Variants in TRAF5 observed in about 807,000 individuals in gnomAD.
The protein encoded by TRAF5 is TNF receptor-associated factor 5.
Under a neutral mutation model 64.5 loss-of-function variants are expected in TRAF5, and 48 were observed. That is an observed-to-expected ratio of 0.74 (90% CI 0.59 to 0.95). TRAF5 has a LOEUF of 0.95. Ranked by LOEUF, TRAF5 falls within the 40% of genes least tolerant of loss-of-function variation. The pLI is 0.00. For synonymous variants in TRAF5, 206 were observed against 240.5 expected (o/e 0.86, Z 1.33); for missense variants, 545 against 662.8 (o/e 0.82, Z 1.95).
intron 4 of TRAF5, 36 bp downstream of exon 4, chr1:211,356,504 A>G (rs41303277): frequency 0.025 from 40,294 of 1,588,770 alleles, 612 homozygotes; most frequent in Non-Finnish European, 0.031. Context: ...TGCTTTTGCC[A>G]TTTTTCCAGG....
chr1:211,359,836 C>T, intron 4 of TRAF5, 76 bp from the exon 5 acceptor site: 1 of 1,586,476 alleles, frequency 6.3e-7, no homozygotes. Flanking sequence ...CTCTCTCCCT[C>T]CCTAGGCCTT....
intron 7 of TRAF5, among the ~76,000 whole-genome samples, chr1:211,363,701 G>A (rs1390233371): frequency 6.6e-6 from 1 of 152,118 alleles, no homozygotes; most frequent in Admixed American, 6.6e-5. Flanking sequence ...TCTTGTGCAT[G>A]AGCACAATTG....
At chr1:211,355,974 C>T (rs1045236479) in intron 3 of TRAF5, among the ~76,000 whole-genome samples, 4 of 152,292 alleles carry the variant, frequency 2.6e-5, no homozygotes, top group South Asian at 2.1e-4. Context: ...TCCTGGTTTG[C>T]GCTAAAATAG....
chr1:211,338,030 A>G (rs2102717931), intron 1 of TRAF5, among the ~76,000 whole-genome samples: 1 of 152,298 alleles, frequency 6.6e-6, no homozygotes, highest in Middle Eastern at 3.4e-3. Context: ...GAATGAGTGC[A>G]GATAGAAGAG....
Position 211,365,413 on chromosome 1 carries a change from C to A in TRAF5, c.734C>A (p.Ala245Asp), listed in dbSNP as rs147658016. 4 of 1,613,838 alleles carry A rather than the reference C, an allele frequency of 2.5e-6. No homozygotes were observed. Among genetic ancestry groups the A allele is most frequent in the Non-Finnish European group, 2.5e-6 (3 of 1,179,872 alleles). ...AACCTGCAGCAACATGAGCATTCAG[C>A]CTTACGGGAGCACATGCGTTTGGTT... ...RRNLQQHEHS[A>D]LREHMRLVLE... The change falls in exon 8 of 11, where the codon GCC becomes GAC. Residue 245 changes from alanine (A) to aspartate (D), a missense_variant. By Grantham distance (126) the Ala-to-Asp change is moderately radical. Transcript: ENST00000261464.
At chr1:211,335,238 C>T (rs1435382139) in intron 1 of TRAF5, among the ~76,000 whole-genome samples, 1 of 152,164 alleles carries the variant, frequency 6.6e-6, no homozygotes, top group East Asian at 1.9e-4. Context: ...TGTGGTACCT[C>T]AAACACCTTG....
intron 1 of TRAF5, among the ~76,000 whole-genome samples, chr1:211,352,161 T>A (rs1347531211): frequency 1.3e-5 from 2 of 152,164 alleles, no homozygotes; most frequent in African/African-American, 4.8e-5. Flanking sequence ...AGAGGTTTAA[T>A]GGACTTACAG....
chr1:211,345,308 G>A (rs771632187), intron 1 of TRAF5, among the ~76,000 whole-genome samples: 6 of 151,914 alleles, frequency 3.9e-5, no homozygotes, highest in Non-Finnish European at 7.4e-5. Flanking sequence ...TTCCTGCCTC[G>A]GCCTCTCAAA....
intron 10 of TRAF5, 77 bp downstream of exon 10, chr1:211,371,547 A>G: frequency 2.9e-6 from 4 of 1,374,988 alleles, no homozygotes; most frequent in Middle Eastern, 1.8e-4. Context: ...ACACCTGGCC[A>G]AATAGAGAGT....
Position 211,356,613 on chromosome 1 carries a change from T to G in TRAF5, c.378+145T>G. The G allele has an allele frequency of 4.2e-6, 3 of 706,954 alleles. No homozygotes were observed. The South Asian group carries it at 5.3e-5, about 13-fold the overall frequency. The allele number at this position is 706,954 out of a possible 1,614,324, so 43.8% of individuals were successfully genotyped here. A position where few individuals can be genotyped will look rare whatever the true frequency, so the allele number is the denominator to read the frequency against. ...AGGATTCCCAGTCTAGCAATACAGG[T>G]GGCTACAGTGCTGTAGCCCACCTAC... On this transcript the variant is annotated intron_variant, in intron 4 of 10. Coordinates refer to ENST00000261464, the MANE Select transcript of TRAF5 (RefSeq NM_001033910.3).
rs542017884 is a variant in TRAF5, at chr1:211,374,798, TTG to T, written c.*2100_*2101del. On this transcript the variant is annotated 3_prime_UTR_variant, in exon 11 of 11. Transcript: ENST00000261464. ...AAGTGAATTTGTCAAAATGCTGGTT[TTG>T]TGTTTTATCCAACTTTTGTGCATAT... is the stretch of plus-strand genomic sequence containing the variant. 5.9e-5 allele frequency: 9 copies of T among 152,316 alleles called. No individual in the cohort carries two copies. The South Asian group carries it at 1.9e-3, about 32-fold the overall frequency. 9.4% of individuals were successfully genotyped at this position (152,316 alleles called of 1,614,324 possible). A position where few individuals can be genotyped will look rare whatever the true frequency, so the allele number is the denominator to read the frequency against.
chr1:211,333,268 A>G (rs1473074339), intron 1 of TRAF5, among the ~76,000 whole-genome samples: 1 of 152,152 alleles, frequency 6.6e-6, no homozygotes, highest in Non-Finnish European at 1.5e-5. Flanking sequence ...GGCTCACTGC[A>G]ACCTCCGCCT....
intron 1 of TRAF5, among the ~76,000 whole-genome samples, chr1:211,352,462 GTT>G (rs1320966777): frequency 4.5e-5 from 5 of 110,034 alleles, no homozygotes; most frequent in African/African-American, 1.1e-4. Context: ...AAAAAAAAAA[GTT>G]TTTTTTTTTT....
chr1:211,353,447 C>G lies in TRAF5; in HGVS notation c.208C>G (p.Leu70Val). 6.2e-7 allele frequency: 1 copy of G among 1,612,978 alleles called. No individual in the cohort carries two copies. Among genetic ancestry groups the G allele is most frequent in the Non-Finnish European group, 8.5e-7 (1 of 1,179,876 alleles). The change falls in exon 2 of 11, where the codon CTG becomes GTG. Residue 70 changes from leucine to valine, a missense_variant. Leu to Val is a conservative substitution (Grantham distance 32). Transcript: ENST00000261464. ...GCACCGCTTCTGCCAGCACTGCATC[C>G]TGTCCCTGAGGTGAGTGGGCAGGGC... ...CGHRFCQHCI[L>V]SLRELNTVPI...
In TRAF5 at chr1:211,326,847, C is replaced by A. The variant is rs1702027841; in HGVS notation, c.-44C>A. 3.0e-6 allele frequency: 3 copies of A among 984,668 alleles called. No individual in the cohort carries two copies. The highest frequency in any genetic ancestry group is 3.5e-5 in the African/African-American group (2 of 57,046). 61.0% of individuals were successfully genotyped at this position (984,668 alleles called of 1,614,324 possible). On this transcript the variant is annotated 5_prime_UTR_variant, in exon 1 of 11. Coordinates refer to ENST00000261464, the MANE Select transcript of TRAF5 (RefSeq NM_001033910.3). The surrounding 1 kb of genome is among the most constrained non-coding windows in gnomAD (Gnocchi z 5.0). ...CGGCCGCAGCCAGGAGCAGCAGCCG[C>A]GCCTGCAGACCGGCCTCGCGGAGCC...
intron 1 of TRAF5, among the ~76,000 whole-genome samples, chr1:211,350,211 T>C (rs905980807): frequency 6.6e-6 from 1 of 151,858 alleles, no homozygotes; most frequent in Non-Finnish European, 1.5e-5. Context: ...CTTTTTTTTT[T>C]TTCTTTCTTT....
At chr1:211,362,054 T>A (rs1264709553) in intron 7 of TRAF5, among the ~76,000 whole-genome samples, 1 of 146,032 alleles carries the variant, frequency 6.8e-6, no homozygotes, top group East Asian at 1.9e-4. Flanking sequence ...CTGGGGTTAC[T>A]CCTCTCATGA....
At chr1:211,340,988 C>T (rs1455484306) in intron 1 of TRAF5, among the ~76,000 whole-genome samples, 1 of 152,186 alleles carries the variant, frequency 6.6e-6, no homozygotes, top group Non-Finnish European at 1.5e-5. Flanking sequence ...TGAGCCACCG[C>T]GCCTGGCCTC....
In TRAF5 at chr1:211,360,950, T is replaced by C. The variant is rs1308295730; in HGVS notation, c.622-138T>C. The C allele has an allele frequency of 3.0e-6, 3 of 1,011,948 alleles. No homozygotes were observed. In the African/African-American group the frequency reaches 4.8e-5, roughly 16 times the overall value. The allele number at this position is 1,011,948 out of a possible 1,614,324, so 62.7% of individuals were successfully genotyped here. ...TTTTCCTGCGAACTCTCTTCAACTTTCATCATAGCTCTTTCTTGCCAGGCC... is the reference window on the plus strand; with the variant it reads ...TTTTCCTGCGAACTCTCTTCAACTTCCATCATAGCTCTTTCTTGCCAGGCC... On this transcript the variant is annotated intron_variant, in intron 6 of 10. Coordinates refer to ENST00000261464, the MANE Select transcript of TRAF5 (RefSeq NM_001033910.3).
Sources: allele counts gnomAD v4.1 joint callset (sites outside exome capture counted in the v4.1 genomes callset), GRCh38; gene constraint gnomAD v4.1.1; non-coding constraint Gnocchi (gnomAD v3.1); transcripts MANE v1.5; gene names NCBI Gene and HGNC (gene_info 2026-07-23, HGNC 2026-07-21).